Variants in RXFP2 observed in about 807,000 individuals in gnomAD.
RXFP2 encodes the protein relaxin family peptide receptor 2, also known as relaxin receptor 2.
RXFP2 carries 68 observed loss-of-function variants against 88.6 expected under a neutral mutation model. That is an observed-to-expected ratio of 0.77 (90% CI 0.63 to 0.94). The LOEUF (loss-of-function observed/expected upper bound fraction) is 0.94, where lower values mean the gene tolerates loss of function less well. Ranked by LOEUF, RXFP2 falls within the 40% of genes least tolerant of loss-of-function variation. The pLI, the probability that RXFP2 is intolerant of heterozygous loss-of-function variation, is 0.00. For synonymous variants in RXFP2, 329 were observed against 306.8 expected (o/e 1.07, Z -0.76); for missense variants, 791 against 893.9 (o/e 0.88, Z 1.47).
At chr13:31,758,468 G>A (rs888829863) in intron 2 of RXFP2, 64 bp downstream of exon 2, 61 of 1,571,892 alleles carry the variant, frequency 3.9e-5, no homozygotes, top group Admixed American at 1.7e-4. Context: ...ACTGTGGGTC[G>A]GTTGGATAAT....
intron 14 of RXFP2, among the ~76,000 whole-genome samples, 175 bp downstream of exon 14, chr13:31,789,368 G>A (rs1475548038): frequency 6.6e-6 from 1 of 152,118 alleles, no homozygotes; most frequent in Non-Finnish European, 1.5e-5. Flanking sequence ...ATATTATGAT[G>A]TGCCGACATG....
At chr13:31,784,929 C>T (rs1016631130) in intron 11 of RXFP2, among the ~76,000 whole-genome samples, 3 of 152,148 alleles carry the variant, frequency 2.0e-5, no homozygotes, top group Admixed American at 6.5e-5. Context: ...GTCTTCCTCC[C>T]CCAACTCCCA....
At chr13:31,776,142 C>CTTTCTTTCTTTCTTTCTT (rs374300794) in intron 7 of RXFP2, among the ~76,000 whole-genome samples, 1 of 80,656 alleles carries the variant, frequency 1.2e-5, no homozygotes, top group South Asian at 3.6e-4. Context: ...TTCTTTCTTT[C>CTTTCTTTCTTTCTTTCTT]TCTTTCTCTC....
chr13:31,789,094 C>A (rs371637505), intron 13 of RXFP2, 28 bp from the exon 14 acceptor site: 10 of 1,402,278 alleles, frequency 7.1e-6, no homozygotes, highest in Non-Finnish European at 1.0e-5. Flanking sequence ...ATCTCAACAC[C>A]ATTAAACCTA....
chr13:31,802,631 A>T lies in RXFP2; in HGVS notation c.*226A>T. The stretch of plus-strand genomic sequence containing the variant: ...CTCTCCTCACCCCACATGCCTGAAA[A>T]GCACATGTGAATTCGTGTATAGTGG... On this transcript the variant is annotated 3_prime_UTR_variant, in exon 18 of 18. Coordinates refer to ENST00000298386, the MANE Select transcript of RXFP2 (RefSeq NM_130806.5). The T allele has an allele frequency of 1.8e-6, 1 of 552,608 alleles. No homozygotes were observed. Among genetic ancestry groups the T allele is most frequent in the South Asian group, 1.9e-5 (1 of 52,188 alleles). The allele number at this position is 552,608 out of a possible 1,614,324, so 34.2% of individuals were successfully genotyped here.
intron 3 of RXFP2, among the ~76,000 whole-genome samples, chr13:31,763,285 A>G (rs1279499758): frequency 6.6e-6 from 1 of 151,898 alleles, no homozygotes; most frequent in Non-Finnish European, 1.5e-5. Context: ...GGGTCTTACC[A>G]TGTTGCCCAG....
At chr13:31,764,194 T>C (rs899083494) in intron 3 of RXFP2, among the ~76,000 whole-genome samples, 2 of 151,920 alleles carry the variant, frequency 1.3e-5, no homozygotes, top group African/African-American at 2.4e-5. Flanking sequence ...TTGCTCTTTC[T>C]CTCAAAGCCT....
chr13:31,802,068 T>C (rs1434475480), intron 17 of RXFP2, 78 bp from the exon 18 acceptor site: 4 of 1,428,168 alleles, frequency 2.8e-6, no homozygotes, highest in African/African-American at 2.8e-5. Flanking sequence ...ATAAATAGCA[T>C]TGACTGCAAA....
chr13:31,744,840 G>T (rs1158397292), intron 1 of RXFP2, among the ~76,000 whole-genome samples: 5 of 151,544 alleles, frequency 3.3e-5, no homozygotes, highest in South Asian at 2.1e-4. Context: ...TTAGTTCTTT[G>T]AGAATTTTAA....
chr13:31,759,828 C>A (rs572132361), intron 2 of RXFP2, among the ~76,000 whole-genome samples: 53 of 152,214 alleles, frequency 3.5e-4, no homozygotes, highest in African/African-American at 1.2e-3. Context: ...AATCTCCTGT[C>A]CTGCCCCTGG....
At chr13:31,769,508 T>C (rs972475028) in intron 5 of RXFP2, among the ~76,000 whole-genome samples, 2 of 152,188 alleles carry the variant, frequency 1.3e-5, no homozygotes, top group African/African-American at 4.8e-5. Flanking sequence ...TTCATTCTAG[T>C]CACAATAATC....
chr13:31,794,832 G>A (rs1003292992), intron 16 of RXFP2, among the ~76,000 whole-genome samples: 7 of 151,880 alleles, frequency 4.6e-5, no homozygotes, highest in Admixed American at 2.6e-4. Context: ...CAGGCATGGA[G>A]CTCGGCCCAA....
chr13:31,781,797 TA>T, intron 10 of RXFP2, 55 bp downstream of exon 10: 1 of 1,434,478 alleles, frequency 7.0e-7, no homozygotes, highest in Non-Finnish European at 9.8e-7. Context: ...ATTTGGAAGT[TA>T]AAAAGAAAAC....
At chr13:31,741,720 C>G (rs1229345603) in intron 1 of RXFP2, among the ~76,000 whole-genome samples, 1 of 152,102 alleles carries the variant, frequency 6.6e-6, no homozygotes, top group Non-Finnish European at 1.5e-5. Context: ...CATAATGTAT[C>G]TTATTATTAT....
At chr13:31,755,946 A>G (rs1593449140) in intron 1 of RXFP2, among the ~76,000 whole-genome samples, 1 of 152,202 alleles carries the variant, frequency 6.6e-6, no homozygotes, top group Non-Finnish European at 1.5e-5. Flanking sequence ...TTGTGGCCAC[A>G]CCAGCCTCCG....
chr13:31,749,653 C>G (rs1308964859), intron 1 of RXFP2, among the ~76,000 whole-genome samples: 2 of 152,146 alleles, frequency 1.3e-5, no homozygotes, highest in Non-Finnish European at 2.9e-5. Flanking sequence ...ATACATGACC[C>G]TGTTCATGCT....
chr13:31,786,589 T>C lies in RXFP2; in HGVS notation c.1025T>C (p.Met342Thr), dbSNP rs748741523. The C allele has an allele frequency of 2.5e-6, 4 of 1,605,558 alleles. No individual in the cohort carries two copies. Among genetic ancestry groups the C allele is most frequent in the East Asian group, 2.2e-5 (1 of 44,796 alleles). Residue 342 changes from methionine (M) to threonine (T), a missense_variant, in exon 13 of 18, where the codon ATG becomes ACG. By Grantham distance (81) the Met-to-Thr change is moderately conservative. Coordinates refer to ENST00000298386, the MANE Select transcript of RXFP2 (RefSeq NM_130806.5). ...AGGAACCTGTCATCCAATCCTCTTA[T>C]GTATCTTCACAAGAACCAGTTTGAA... ...QKLNLSSNPLMYLHKNQFESL... is the reference protein window; with the variant it reads ...QKLNLSSNPLTYLHKNQFESL...
At chr13:31,765,645 T>A (rs1304783162) in intron 4 of RXFP2, among the ~76,000 whole-genome samples, 1 of 152,132 alleles carries the variant, frequency 6.6e-6, no homozygotes, top group South Asian at 2.1e-4. Flanking sequence ...TGGGTTGGGA[T>A]CTTTGGCTGG....
intron 8 of RXFP2, among the ~76,000 whole-genome samples, chr13:31,778,264 A>C (rs530532810): frequency 6.6e-6 from 1 of 152,276 alleles, no homozygotes; most frequent in African/African-American, 2.4e-5. Context: ...CATCTCATAA[A>C]ATTAAACTGT....
Sources: gnomAD v4.1 joint callset for allele counts (sites outside exome capture counted in the v4.1 genomes callset) on GRCh38, gnomAD v4.1.1 for gene constraint, MANE v1.5 for transcripts, NCBI Gene and HGNC (gene_info 2026-07-23, HGNC 2026-07-21) for gene names.